Variants in HLCS observed in about 807,000 individuals in gnomAD.
HLCS encodes the protein holocarboxylase synthetase, also known as biotin--protein ligase.
HLCS carries 53 observed loss-of-function variants against 75.0 expected under a neutral mutation model. The observed-to-expected ratio is 0.71, with a 90% CI of 0.57 to 0.89. The LOEUF (loss-of-function observed/expected upper bound fraction) is 0.89. HLCS is among the 40% of genes least tolerant of loss of function. The pLI, the probability that HLCS is intolerant of heterozygous loss-of-function variation, is 0.00. For missense variants in HLCS, 966 were observed against 1,074.0 expected (o/e 0.90, Z 1.41); for synonymous variants, 431 against 428.6 (o/e 1.01, Z -0.07).
upstream of HLCS, among the ~76,000 whole-genome samples, chr21:36,969,317 T>C (rs2068721039): frequency 6.6e-6 from 1 of 152,212 alleles, no homozygotes; most frequent in Admixed American, 6.5e-5. Context: ...ATCCTCATCC[T>C]GTAGTCCCTC....
intron 6 of HLCS, among the ~76,000 whole-genome samples, chr21:36,819,691 G>A (rs1023855630): frequency 1.1e-4 from 17 of 152,196 alleles, no homozygotes; most frequent in African/African-American, 4.1e-4. Context: ...GAACAACTGA[G>A]GCTCAGAGAG....
At position 36,839,994 on chromosome 21, in the gene HLCS, A is replaced by G. The variant is rs113011175; in HGVS notation, c.1892+56866T>C. ...TTTTGGAAGTGCTTTCCAAGGAGCA[A>G]GAAAAACTTCAAAACATAAACAAAC... On this transcript the variant is annotated intron_variant, in intron 6 of 10. Coordinates refer to ENST00000674895, the MANE Select transcript of HLCS (RefSeq NM_001352514.2). Among the ~76,000 whole-genome samples, 1,147 of 152,386 alleles carry G rather than the reference A, an allele frequency of 7.5e-3. 12 individuals carry two copies. The highest frequency in any genetic ancestry group is 0.025 in the African/African-American group (1,059 of 41,594).
rs201041652 is a variant in HLCS, at chr21:36,926,708, C to T, written c.1620+3543G>A. Among the ~76,000 whole-genome samples the T allele has an allele frequency of 2.7e-5, 4 of 150,760 alleles. No individual in the cohort carries two copies. In the East Asian group the frequency reaches 7.8e-4, roughly 29 times the overall value. Reference sequence around the variant, plus strand: ...TAAGCACTCCACCACAAATAAGTCCCATATATACCAGATTTCCTTCCAGTC... The same window carrying T: ...TAAGCACTCCACCACAAATAAGTCCTATATATACCAGATTTCCTTCCAGTC... On this transcript the variant is annotated intron_variant, in intron 5 of 10. Coordinates refer to ENST00000674895, the MANE Select transcript of HLCS (RefSeq NM_001352514.2).
chr21:36,939,098 A>G, intron 2 of HLCS, 104 bp from the exon 3 acceptor site: 1 of 1,003,384 alleles, frequency 1.0e-6, no homozygotes, highest in Non-Finnish European at 1.4e-6. Context: ...TCCTACCACT[A>G]AATTACAGTC....
intron 2 of HLCS, among the ~76,000 whole-genome samples, chr21:36,939,199 C>T (rs949905303): frequency 7.2e-5 from 11 of 152,142 alleles, no homozygotes; most frequent in Non-Finnish European, 1.3e-4. Context: ...ACAGTGCTTA[C>T]GAAACACTAA....
At chr21:36,790,373 C>T (rs568505566) in intron 6 of HLCS, among the ~76,000 whole-genome samples, 1 of 152,258 alleles carries the variant, frequency 6.6e-6, no homozygotes, top group East Asian at 1.9e-4. Context: ...GACTGCACTC[C>T]AGCCTGGCGA....
At chr21:36,907,408 A>G (rs1390285083) in intron 5 of HLCS, among the ~76,000 whole-genome samples, 5 of 152,148 alleles carry the variant, frequency 3.3e-5, no homozygotes, top group Non-Finnish European at 5.9e-5. Context: ...GTAATCCCAG[A>G]ACTTTGGGAG....
intron 6 of HLCS, among the ~76,000 whole-genome samples, chr21:36,796,389 T>C (rs2061025718): frequency 6.6e-6 from 1 of 152,208 alleles, no homozygotes; most frequent in Non-Finnish European, 1.5e-5. Flanking sequence ...CATTTGGTAA[T>C]TTCAGTAGCC....
intron 6 of HLCS, among the ~76,000 whole-genome samples, chr21:36,888,441 AAAAAAT>A (rs1236452235): frequency 3.8e-4 from 12 of 31,536 alleles, no homozygotes; most frequent in Middle Eastern, 0.01. Flanking sequence ...TTAAAAAAAA[AAAAAAT>A]ATATATATAT....
At chr21:36,861,946 C>G (rs933073611) in intron 6 of HLCS, among the ~76,000 whole-genome samples, 2 of 152,194 alleles carry the variant, frequency 1.3e-5, no homozygotes, top group South Asian at 4.1e-4. Flanking sequence ...CCTCCACCCC[C>G]CTCAACCAAT....
intron 1 of HLCS, among the ~76,000 whole-genome samples, chr21:36,983,745 G>A (rs1456441780): frequency 1.3e-5 from 2 of 151,610 alleles, no homozygotes; most frequent in Non-Finnish European, 1.5e-5. Context: ...GCTGAGGCAG[G>A]AGAATGGCGT....
chr21:36,793,651 G>A lies in HLCS; in HGVS notation c.1893-26366C>T, dbSNP rs535097646. Among the ~76,000 whole-genome samples, 6 of 152,248 alleles carry A rather than the reference G, an allele frequency of 3.9e-5. No individual in the cohort carries two copies. The South Asian group carries it at 1.2e-3, about 32-fold the overall frequency. On this transcript the variant is annotated intron_variant, in intron 6 of 10. Coordinates refer to ENST00000674895, the MANE Select transcript of HLCS (RefSeq NM_001352514.2). ...TTTTAGCCCAAGAAGCAAAAAAGTGGAGTGAGTAAGCTGGTAGGATCAACT... is the reference window on the plus strand; with the variant it reads ...TTTTAGCCCAAGAAGCAAAAAAGTGAAGTGAGTAAGCTGGTAGGATCAACT...
At chr21:36,967,302 C>A (rs930651800), upstream of HLCS, among the ~76,000 whole-genome samples, 25 of 152,136 alleles carry the variant, frequency 1.6e-4, no homozygotes, top group African/African-American at 6.0e-4. Context: ...CACATACATT[C>A]ACGGGATGCA....
intron 2 of HLCS, chr21:36,947,568 G>T (rs1241528257): frequency 2.0e-6 from 2 of 985,422 alleles, no homozygotes; most frequent in Non-Finnish European, 2.4e-6. Flanking sequence ...CACTCCCAAA[G>T]ATCAAAGCTA....
chr21:36,954,133 C>G (rs997001774), intron 2 of HLCS, among the ~76,000 whole-genome samples: 3 of 151,954 alleles, frequency 2.0e-5, no homozygotes, highest in Non-Finnish European at 4.4e-5. Flanking sequence ...TGGTGAAACC[C>G]CGCCTCTACT....
rs903794169 is a variant in HLCS at position 36,753,210 on chromosome 21, G to T, written c.*1036C>A. ...CACACATCCTCCCTCTGAACTGATGGTGTTTAGTATCGATAACATTTTCTT... is the reference window on the plus strand; with the variant it reads ...CACACATCCTCCCTCTGAACTGATGTTGTTTAGTATCGATAACATTTTCTT... On this transcript the variant is annotated 3_prime_UTR_variant, in exon 11 of 11. Transcript: ENST00000674895. This position sits in a 1 kb window ranked among gnomAD's most constrained non-coding sequence, Gnocchi z 4.3. 1.3e-5 allele frequency: 2 copies of T among 152,624 alleles called. No homozygotes were observed. Among genetic ancestry groups the T allele is most frequent in the African/African-American group, 4.8e-5 (2 of 41,430 alleles). 9.5% of individuals were successfully genotyped at this position (152,624 alleles called of 1,614,324 possible). A position where few individuals can be genotyped will look rare whatever the true frequency, so the allele number is the denominator to read the frequency against.
intron 5 of HLCS, among the ~76,000 whole-genome samples, chr21:36,923,459 G>A (rs2066264929): frequency 6.6e-6 from 1 of 152,172 alleles, no homozygotes; most frequent in Admixed American, 6.5e-5. Flanking sequence ...GTGCTGAGCG[G>A]GAATGTTCCC....
chr21:36,802,682 T>C (rs1339544570), intron 6 of HLCS, among the ~76,000 whole-genome samples: 2 of 152,206 alleles, frequency 1.3e-5, no homozygotes, highest in Non-Finnish European at 2.9e-5. Context: ...CTTTGCGTCG[T>C]ACTGAACTTC....
intron 6 of HLCS, among the ~76,000 whole-genome samples, chr21:36,873,222 A>G (rs2063834461): frequency 6.6e-6 from 1 of 151,920 alleles, no homozygotes; most frequent in Non-Finnish European, 1.5e-5. Context: ...GGTTGAAGCG[A>G]TTCTCCTGCC....
Sources: gnomAD v4.1 joint callset for allele counts (sites outside exome capture counted in the v4.1 genomes callset) on GRCh38, gnomAD v4.1.1 for gene constraint, Gnocchi (gnomAD v3.1) non-coding constraint, MANE v1.5 for transcripts, NCBI Gene and HGNC (gene_info 2026-07-23, HGNC 2026-07-21) for gene names.